Variants in KCNMA1 observed in about 807,000 individuals in gnomAD.
KCNMA1 encodes the protein potassium calcium-activated channel subfamily M alpha 1.
A neutral mutation model predicts 140.0 loss-of-function variants in KCNMA1; 29 were observed. That is an observed-to-expected ratio of 0.21 (90% confidence interval 0.15 to 0.28). The LOEUF is 0.28. KCNMA1 is among the 10% of genes least tolerant of loss of function. The pLI, the probability that KCNMA1 is intolerant of heterozygous loss-of-function variation, is 1.00. For synonymous variants in KCNMA1, 612 were observed against 611.9 expected (o/e 1.00, Z 0.00); for missense variants, 880 against 1,602.2 (o/e 0.55, Z 7.70).
At chr10:77,094,558 ATAGTCT>A (rs777700428) in intron 9 of KCNMA1, among the ~76,000 whole-genome samples, 12 of 152,220 alleles carry the variant, frequency 7.9e-5, no homozygotes, top group Non-Finnish European at 1.5e-4. Context: ...CAGTATCATG[ATAGTCT>A]TAGCAAAGTC....
intron 1 of KCNMA1, among the ~76,000 whole-genome samples, chr10:77,462,560 C>G (rs1159287143): frequency 1.3e-5 from 2 of 152,216 alleles, no homozygotes; most frequent in Non-Finnish European, 2.9e-5. Flanking sequence ...TAAACACACA[C>G]ACCCTCACAC....
At chr10:77,562,597 T>A (rs1478737150) in intron 1 of KCNMA1, among the ~76,000 whole-genome samples, 1 of 152,230 alleles carries the variant, frequency 6.6e-6, no homozygotes, top group Non-Finnish European at 1.5e-5. Context: ...GGCCCCAGCC[T>A]TATTCTCACA....
chr10:77,195,047 G>GTTGTTA (rs1294052291), intron 3 of KCNMA1, among the ~76,000 whole-genome samples: 3 of 152,002 alleles, frequency 2.0e-5, no homozygotes, highest in African/African-American at 7.3e-5. Context: ...TGTTGTTGTT[G>GTTGTTA]TTGTTATTGT....
intron 25 of KCNMA1, among the ~76,000 whole-genome samples, chr10:76,898,636 C>T (rs1016311811): frequency 7.3e-5 from 11 of 151,438 alleles, no homozygotes; most frequent in Non-Finnish European, 1.6e-4. Flanking sequence ...TATTCCAGAA[C>T]ATCAAAAAAA....
chr10:77,307,622 C>T (rs1378025693), intron 2 of KCNMA1, among the ~76,000 whole-genome samples: 1 of 152,174 alleles, frequency 6.6e-6, no homozygotes, highest in Non-Finnish European at 1.5e-5. Context: ...TCTTGGCTCA[C>T]TGCAAGCTCC....
At chr10:77,308,340 C>A (rs2078333266) in intron 2 of KCNMA1, among the ~76,000 whole-genome samples, 1 of 152,230 alleles carries the variant, frequency 6.6e-6, no homozygotes, top group African/African-American at 2.4e-5. Context: ...ACTGCCCAAG[C>A]TGAGTGCCAT....
intron 3 of KCNMA1, among the ~76,000 whole-genome samples, chr10:77,208,176 T>A (rs192109942): frequency 6.6e-6 from 1 of 152,236 alleles, no homozygotes; most frequent in East Asian, 1.9e-4. Context: ...TTTTTGTAGA[T>A]GAGAATGAAT....
chr10:77,296,858 C>T (rs1442967485), intron 2 of KCNMA1, among the ~76,000 whole-genome samples: 1 of 146,592 alleles, frequency 6.8e-6, no homozygotes, highest in Non-Finnish European at 1.5e-5. Flanking sequence ...GTCCTACCTG[C>T]CGATCTGCTC....
chr10:77,335,334 T>C (rs1252440851), intron 2 of KCNMA1, among the ~76,000 whole-genome samples: 2 of 152,176 alleles, frequency 1.3e-5, no homozygotes, highest in Non-Finnish European at 2.9e-5. Context: ...TCCCATTCCA[T>C]CACTAATGAG....
intron 2 of KCNMA1, among the ~76,000 whole-genome samples, chr10:77,372,335 T>C (rs899175792): frequency 3.3e-4 from 50 of 152,198 alleles, no homozygotes; most frequent in Middle Eastern, 3.2e-3. Context: ...ACCTGCCACA[T>C]AACAAAAGCT....
At chr10:77,377,859 G>C (rs946629632) in intron 2 of KCNMA1, among the ~76,000 whole-genome samples, 1 of 152,208 alleles carries the variant, frequency 6.6e-6, no homozygotes, top group African/African-American at 2.4e-5. Context: ...ACAGTGCCTA[G>C]CTCCTAGTCT....
Position 77,311,974 on chromosome 10 carries a change from G to A in KCNMA1, c.541-60718C>T, listed in dbSNP as rs886330052. ...AGGTGAGCCAGAATGTCATGGCACCGCACCCAGCCACTTGCCTCCCACCTC... is the reference window on the plus strand; with the variant it reads ...AGGTGAGCCAGAATGTCATGGCACCACACCCAGCCACTTGCCTCCCACCTC... On this transcript the variant is annotated intron_variant, in intron 2 of 27. Coordinates refer to ENST00000286628, the MANE Select transcript of KCNMA1 (RefSeq NM_001161352.2). Among the ~76,000 whole-genome samples the A allele has an allele frequency of 6.6e-5, 10 of 152,222 alleles. No homozygotes were observed. In the East Asian group the frequency reaches 1.2e-3, roughly 18 times the overall value.
chr10:77,324,608 T>C (rs117122719), intron 2 of KCNMA1, among the ~76,000 whole-genome samples: 15 of 152,316 alleles, frequency 9.8e-5, no homozygotes, highest in Non-Finnish European at 2.1e-4. Flanking sequence ...AGGGTATCAC[T>C]ATGCTGCCCA....
At chr10:77,585,424 T>G (rs1270073003) in intron 1 of KCNMA1, among the ~76,000 whole-genome samples, 1 of 152,234 alleles carries the variant, frequency 6.6e-6, no homozygotes, top group African/African-American at 2.4e-5. Context: ...TACTCAAAAA[T>G]TACTGGAGTA....
chr10:77,152,309 T>TGTGTGTGTGTGTGTGTG (rs59919010), intron 5 of KCNMA1, among the ~76,000 whole-genome samples: 12 of 147,678 alleles, frequency 8.1e-5, no homozygotes, highest in African/African-American at 2.5e-4. Flanking sequence ...TGTGTGTGTG[T>TGTGTGTGTGTGTGTGTG]TGTTGCTGTT....
chr10:77,485,006 A>C (rs906759746), intron 1 of KCNMA1, among the ~76,000 whole-genome samples: 1 of 152,196 alleles, frequency 6.6e-6, no homozygotes, highest in African/African-American at 2.4e-5. Flanking sequence ...CATCTGCATT[A>C]AACATCAACT....
intron 2 of KCNMA1, among the ~76,000 whole-genome samples, chr10:77,320,005 G>A (rs542212544): frequency 1.0e-3 from 154 of 152,276 alleles, no homozygotes; most frequent in South Asian, 2.5e-3. Context: ...GCTTTGCTCT[G>A]ACCTACAGTC....
At chr10:77,138,058 C>T (rs954686731) in intron 5 of KCNMA1, among the ~76,000 whole-genome samples, 1 of 152,128 alleles carries the variant, frequency 6.6e-6, no homozygotes, top group African/African-American at 2.4e-5. Context: ...CTGGGATTGT[C>T]GCCCATTCAT....
chr10:77,522,853 C>G (rs764912988), intron 1 of KCNMA1, among the ~76,000 whole-genome samples: 2 of 152,136 alleles, frequency 1.3e-5, no homozygotes, highest in Non-Finnish European at 2.9e-5. Flanking sequence ...TTTAATAAAC[C>G]CAAACTCTTC....
Sources: gnomAD v4.1 joint callset for allele counts (sites outside exome capture counted in the v4.1 genomes callset) on GRCh38, gnomAD v4.1.1 for gene constraint, MANE v1.5 for transcripts, NCBI Gene and HGNC (gene_info 2026-07-23, HGNC 2026-07-21) for gene names.